Variants in CCSER1 observed in about 807,000 individuals in gnomAD.
The protein encoded by CCSER1 is serine-rich coiled-coil domain-containing protein 1.
A neutral mutation model predicts 82.0 loss-of-function variants in CCSER1; 41 were observed. The observed-to-expected ratio is 0.50, with a 90% CI of 0.39 to 0.65. The LOEUF (loss-of-function observed/expected upper bound fraction) is 0.65. CCSER1 is among the 30% of genes least tolerant of loss of function. The pLI is 0.00. For synonymous variants in CCSER1, 414 were observed against 383.9 expected (o/e 1.08, Z -0.92); for missense variants, 1,119 against 1,064.2 (o/e 1.05, Z -0.72).
At chr4:90,141,020 ATATCTATCTATCTATC>A (rs60163485) in intron 1 of CCSER1, among the ~76,000 whole-genome samples, 2 of 145,984 alleles carry the variant, frequency 1.4e-5, no homozygotes, top group South Asian at 2.3e-4. Context: ...ACCCAGCAAG[ATATCTATCTATCTATC>A]TATCTATCTA....
intron 6 of CCSER1, among the ~76,000 whole-genome samples, chr4:90,698,561 G>A (rs1229693127): frequency 6.6e-6 from 1 of 152,172 alleles, no homozygotes; most frequent in Non-Finnish European, 1.5e-5. Context: ...TCTCTAGAAA[G>A]TGAATTGTTA....
chr4:91,496,617 CG>C (rs747703179), intron 10 of CCSER1, among the ~76,000 whole-genome samples: 285 of 11,272 alleles, frequency 0.025, 90 homozygotes, highest in Non-Finnish European at 0.041. Context: ...TATATATACA[CG>C]AATATATATT....
chr4:90,446,289 A>C (rs1371645135), intron 4 of CCSER1, among the ~76,000 whole-genome samples: 1 of 152,162 alleles, frequency 6.6e-6, no homozygotes, highest in East Asian at 1.9e-4. Flanking sequence ...TTGGGGAGAT[A>C]ATTGAATATT....
intron 10 of CCSER1, among the ~76,000 whole-genome samples, chr4:91,102,696 T>C (rs1725201790): frequency 7.3e-6 from 1 of 137,470 alleles, no homozygotes; most frequent in Non-Finnish European, 1.7e-5. Flanking sequence ...AGTATATTCA[T>C]AAACAAACTT....
chr4:90,386,128 A>G (rs1310665973), intron 3 of CCSER1, among the ~76,000 whole-genome samples: 1 of 152,204 alleles, frequency 6.6e-6, no homozygotes, highest in Non-Finnish European at 1.5e-5. Context: ...AAATACCACC[A>G]TCATTTGTTC....
chr4:91,000,293 A>G (rs1245012426), intron 9 of CCSER1, among the ~76,000 whole-genome samples: 6 of 151,910 alleles, frequency 3.9e-5, no homozygotes, highest in Non-Finnish European at 7.4e-5. Flanking sequence ...AGTTTAGGTT[A>G]CATACTACAT....
chr4:90,140,777 G>A (rs1408051202), intron 1 of CCSER1, among the ~76,000 whole-genome samples: 6 of 143,774 alleles, frequency 4.2e-5, no homozygotes, highest in Non-Finnish European at 6.0e-5. Flanking sequence ...GGATTCTCCT[G>A]CCTCTGCCTC....
intron 1 of CCSER1, among the ~76,000 whole-genome samples, chr4:90,140,112 CATTG>C (rs1437630485): frequency 2.0e-5 from 3 of 152,068 alleles, no homozygotes; most frequent in Admixed American, 6.5e-5. Flanking sequence ...TCATTAATTG[CATTG>C]ATTAAAAGCC....
intron 10 of CCSER1, among the ~76,000 whole-genome samples, chr4:91,121,882 A>G (rs1055987753): frequency 6.6e-6 from 1 of 151,618 alleles, no homozygotes; most frequent in Non-Finnish European, 1.5e-5. Flanking sequence ...AGAAATATAG[A>G]TAAATATTGA....
At chr4:90,485,044 C>G (rs542136555) in intron 5 of CCSER1, among the ~76,000 whole-genome samples, 1 of 152,340 alleles carries the variant, frequency 6.6e-6, no homozygotes, top group East Asian at 1.9e-4. Flanking sequence ...TTCCCAGCCA[C>G]TTTGTTTACC....
chr4:90,588,486 T>C (rs754461000), intron 5 of CCSER1, among the ~76,000 whole-genome samples: 1 of 152,208 alleles, frequency 6.6e-6, no homozygotes, highest in East Asian at 1.9e-4. Context: ...TTCAGTTACT[T>C]CTTTAGGCTC....
chr4:90,230,730 CTAAT>C (rs1380092101), intron 1 of CCSER1, among the ~76,000 whole-genome samples: 6 of 150,248 alleles, frequency 4.0e-5, no homozygotes, highest in Non-Finnish European at 7.4e-5. Flanking sequence ...GCTAGCAAGA[CTAAT>C]AAAGAAAAAA....
chr4:91,217,524 A>T (rs955388595), intron 10 of CCSER1, among the ~76,000 whole-genome samples: 1 of 151,716 alleles, frequency 6.6e-6, no homozygotes, highest in Non-Finnish European at 1.5e-5. Flanking sequence ...TGTGTTTACA[A>T]ACCTTGAGCT....
At chr4:91,119,069 T>C (rs893464519) in intron 10 of CCSER1, among the ~76,000 whole-genome samples, 1 of 152,154 alleles carries the variant, frequency 6.6e-6, no homozygotes, top group Non-Finnish European at 1.5e-5. Flanking sequence ...GTTTTGATAT[T>C]CATGTATAAA....
rs567895714 is a variant in CCSER1, at chr4:91,099,277, A to G, written c.2217+13283A>G. 1.5e-3 allele frequency among the ~76,000 whole-genome samples: 228 copies of G among 152,322 alleles called. 3 individuals are homozygous for G. The highest frequency in any genetic ancestry group is 0.013 in the South Asian group (65 of 4,830). Reference sequence around the variant, plus strand: ...GTGATGACAATTTTTTGGGAAATATATAGAATTTTTCAGTGGTTTGGTGCC... The same window carrying G: ...GTGATGACAATTTTTTGGGAAATATGTAGAATTTTTCAGTGGTTTGGTGCC... On this transcript the variant is annotated intron_variant, in intron 10 of 10. Transcript: ENST00000509176.
At chr4:90,995,851 T>C (rs1373559779) in intron 9 of CCSER1, among the ~76,000 whole-genome samples, 1 of 152,234 alleles carries the variant, frequency 6.6e-6, no homozygotes, top group African/African-American at 2.4e-5. Context: ...AACAACATGA[T>C]ACATCTTTCT....
intron 9 of CCSER1, among the ~76,000 whole-genome samples, chr4:90,993,756 C>T (rs1056480294): frequency 6.6e-6 from 1 of 151,880 alleles, no homozygotes; most frequent in African/African-American, 2.4e-5. Flanking sequence ...AGAACCACAC[C>T]CTCATTATTT....
chr4:90,409,522 G>A (rs1436086892), intron 4 of CCSER1, among the ~76,000 whole-genome samples: 4 of 152,126 alleles, frequency 2.6e-5, no homozygotes, highest in Admixed American at 6.5e-5. Context: ...TTAATATCCA[G>A]CCAAACTAAG....
chr4:91,491,878 CTCA>C (rs752801930), intron 10 of CCSER1, among the ~76,000 whole-genome samples: 2 of 149,708 alleles, frequency 1.3e-5, no homozygotes, highest in Non-Finnish European at 3.0e-5. Context: ...AAATGTTCTA[CTCA>C]TCAGAAAAAA....
Sources: gnomAD v4.1 joint callset for allele counts (sites outside exome capture counted in the v4.1 genomes callset) on GRCh38, gnomAD v4.1.1 for gene constraint, MANE v1.5 for transcripts, NCBI Gene and HGNC (gene_info 2026-07-23, HGNC 2026-07-21) for gene names.